Variants in DRC8 observed in about 807,000 individuals in gnomAD.
DRC8 encodes dynein regulatory complex protein 8.
At chr1:245,083,458 G>A in the DRC8 span, 11 of 1,613,696 alleles carry the variant, frequency 6.8e-6, no homozygotes, top group Non-Finnish European at 9.3e-6. Context: ...ACCAATTCCA[G>A]AAGATGTCCT....
chr1:245,118,105 G>A, the DRC8 span, among the ~76,000 whole-genome samples: 1 of 152,208 alleles, frequency 6.6e-6, no homozygotes, highest in Middle Eastern at 3.4e-3. Flanking sequence ...TACGTGATGG[G>A]CCTGCCCTGT....
the DRC8 span, among the ~76,000 whole-genome samples, chr1:245,069,845 C>G: frequency 1.3e-5 from 2 of 152,118 alleles, no homozygotes; most frequent in African/African-American, 2.4e-5. Flanking sequence ...AGTTCGGGAC[C>G]AGCCTGGGCA....
chr1:245,074,960 A>G, the DRC8 span, among the ~76,000 whole-genome samples: 1 of 152,144 alleles, frequency 6.6e-6, no homozygotes, highest in Non-Finnish European at 1.5e-5. Context: ...AAACATTCAC[A>G]TGTGTATCTG....
the DRC8 span, among the ~76,000 whole-genome samples, chr1:245,029,384 ACCT>A: frequency 6.6e-6 from 1 of 151,764 alleles, no homozygotes; most frequent in Non-Finnish European, 1.5e-5. Context: ...TGCAACCTCC[ACCT>A]CCCCGGTTCA....
chr1:245,014,610 T>C, the DRC8 span, among the ~76,000 whole-genome samples: 1 of 145,956 alleles, frequency 6.9e-6, no homozygotes, highest in Non-Finnish European at 1.5e-5. Flanking sequence ...ATTAAGGAGT[T>C]AAGATTTTAT....
chr1:245,020,711 C>T, the DRC8 span, among the ~76,000 whole-genome samples: 4 of 149,156 alleles, frequency 2.7e-5, no homozygotes, highest in African/African-American at 7.4e-5. Flanking sequence ...CCTCCGCCTT[C>T]CGGGTTCAAG....
chr1:244,992,313 G>A, the DRC8 span, among the ~76,000 whole-genome samples: 1 of 152,144 alleles, frequency 6.6e-6, no homozygotes, highest in Non-Finnish European at 1.5e-5. Context: ...TTTGAATACT[G>A]CCGCCACAAT....
chr1:245,002,360 C>G, the DRC8 span: 2 of 722,424 alleles, frequency 2.8e-6, no homozygotes, highest in African/African-American at 3.5e-5. Flanking sequence ...ACTCCCTACT[C>G]TATAAATCTT....
At chr1:245,058,632 TG>T in the DRC8 span, among the ~76,000 whole-genome samples, 1 of 152,240 alleles carries the variant, frequency 6.6e-6, no homozygotes, top group Non-Finnish European at 1.5e-5. Context: ...TAATTTTGAA[TG>T]GAAGTATTTC....
chr1:245,083,113 G>A, the DRC8 span, among the ~76,000 whole-genome samples: 1 of 152,334 alleles, frequency 6.6e-6, no homozygotes, highest in East Asian at 1.9e-4. Context: ...CACAGCAGGA[G>A]GTGAGCAGCA....
chr1:244,978,248 C>G, the DRC8 span, among the ~76,000 whole-genome samples: 32 of 152,222 alleles, frequency 2.1e-4, no homozygotes, highest in South Asian at 6.2e-4. Flanking sequence ...AATCTCAGCA[C>G]TTTGGGAGGC....
the DRC8 span, among the ~76,000 whole-genome samples, chr1:244,984,130 G>A: frequency 4.7e-5 from 7 of 150,314 alleles, no homozygotes; most frequent in Admixed American, 1.3e-4. Flanking sequence ...AATTTTTTTG[G>A]GGGGGGGGAA....
the DRC8 span, among the ~76,000 whole-genome samples, chr1:245,052,222 A>C: frequency 6.6e-6 from 1 of 152,196 alleles, no homozygotes; most frequent in African/African-American, 2.4e-5. Flanking sequence ...GATGGGGGTG[A>C]ATTTGTCATA....
chr1:245,105,624 A>AG, the DRC8 span, among the ~76,000 whole-genome samples: 1 of 144,608 alleles, frequency 6.9e-6, no homozygotes, highest in Non-Finnish European at 1.5e-5. Context: ...CCCCATCTCA[A>AG]AAAAAAAAAA....
chr1:245,018,298 T>C, the DRC8 span, among the ~76,000 whole-genome samples: 4 of 151,072 alleles, frequency 2.6e-5, no homozygotes, highest in Non-Finnish European at 5.9e-5. Flanking sequence ...GGTTATTTGA[T>C]GAGATTGCAA....
At chr1:245,021,782 G>A in the DRC8 span, among the ~76,000 whole-genome samples, 2 of 144,748 alleles carry the variant, frequency 1.4e-5, no homozygotes, top group African/African-American at 5.4e-5. Context: ...TTTTGCCCCT[G>A]TTTAATCTGG....
At chr1:245,100,058 A>G in the DRC8 span, among the ~76,000 whole-genome samples, 1 of 152,212 alleles carries the variant, frequency 6.6e-6, no homozygotes, top group Non-Finnish European at 1.5e-5. Flanking sequence ...GCTCTTAAAA[A>G]TTACCTATAA....
At chr1:245,032,445 C>A in the DRC8 span, among the ~76,000 whole-genome samples, 5 of 152,178 alleles carry the variant, frequency 3.3e-5, no homozygotes, top group African/African-American at 1.2e-4. Flanking sequence ...AAGTGACACT[C>A]AAATGTTTAT....
At chr1:245,083,545 A>G in the DRC8 span, 1 of 1,580,456 alleles carries the variant, frequency 6.3e-7, no homozygotes, top group Middle Eastern at 1.7e-4. Flanking sequence ...TTACATACAC[A>G]CATATATGAA....
Sources: gnomAD v4.1 joint callset for allele counts (sites outside exome capture counted in the v4.1 genomes callset) on GRCh38, gnomAD v4.1.1 for gene constraint, MANE v1.5 for transcripts, NCBI Gene and HGNC (gene_info 2026-07-23, HGNC 2026-07-21) for gene names.